Variants in NTRK3 observed in about 807,000 individuals in gnomAD.
NTRK3 encodes NT-3 growth factor receptor.
Under a neutral mutation model 91.7 loss-of-function variants are expected in NTRK3, and 24 were observed. The ratio of observed to expected loss-of-function variants is 0.26; its 90% CI spans 0.19 to 0.37. NTRK3 has a LOEUF of 0.37. NTRK3 is among the 10% of genes least tolerant of loss of function. NTRK3 has a pLI of 1.00. For synonymous variants in NTRK3, 483 were observed against 404.0 expected (o/e 1.20, Z -2.34); for missense variants, 880 against 1,068.9 (o/e 0.82, Z 2.46).
At chr15:87,954,520 C>G (rs1038403294) in intron 14 of NTRK3, among the ~76,000 whole-genome samples, 1 of 152,010 alleles carries the variant, frequency 6.6e-6, no homozygotes, top group African/African-American at 2.4e-5. Context: ...ATGACTTAGG[C>G]AGAATGAGTT....
intron 14 of NTRK3, among the ~76,000 whole-genome samples, chr15:87,998,745 A>C (rs977603165): frequency 6.6e-6 from 1 of 152,206 alleles, no homozygotes; most frequent in Non-Finnish European, 1.5e-5. Flanking sequence ...GACTCCATTG[A>C]AACAATTGCC....
At chr15:88,121,097 T>C (rs1299472285) in intron 13 of NTRK3, among the ~76,000 whole-genome samples, 1 of 82,650 alleles carries the variant, frequency 1.2e-5, no homozygotes, top group African/African-American at 5.5e-5. Flanking sequence ...ATGTATGTAT[T>C]TTTTTTACAG....
chr15:88,037,922 A>C (rs1406959642), intron 13 of NTRK3, among the ~76,000 whole-genome samples: 1 of 152,224 alleles, frequency 6.6e-6, no homozygotes, highest in Non-Finnish European at 1.5e-5. Flanking sequence ...CCAAGGACAG[A>C]TGCCTAGCAA....
intron 5 of NTRK3, among the ~76,000 whole-genome samples, chr15:88,171,691 CAGA>C (rs2045533123): frequency 6.6e-6 from 1 of 152,198 alleles, no homozygotes; most frequent in Non-Finnish European, 1.5e-5. Flanking sequence ...AGGAAGGACA[CAGA>C]AGCTCAGCTC....
intron 14 of NTRK3, among the ~76,000 whole-genome samples, chr15:88,004,554 T>A (rs1387416815): frequency 6.6e-6 from 1 of 152,134 alleles, no homozygotes; most frequent in Non-Finnish European, 1.5e-5. Context: ...CCAAGCATCA[T>A]CAAAACAGCT....
At chr15:88,080,887 G>A (rs1453060230) in intron 13 of NTRK3, among the ~76,000 whole-genome samples, 1 of 152,238 alleles carries the variant, frequency 6.6e-6, no homozygotes, top group African/African-American at 2.4e-5. Context: ...AGGTGCAACT[G>A]GCAGTGTTGG....
At chr15:87,964,285 A>G (rs2072587828) in intron 14 of NTRK3, among the ~76,000 whole-genome samples, 1 of 152,056 alleles carries the variant, frequency 6.6e-6, no homozygotes, top group Non-Finnish European at 1.5e-5. Context: ...GAGTGCTCTC[A>G]TTTTATAGAC....
rs1431093281 is a variant in NTRK3 at position 87,954,758 on chromosome 15, C to T, written c.1586-14005G>A. On this transcript the variant is annotated intron_variant, in intron 14 of 18. Coordinates refer to ENST00000394480, the Ensembl canonical transcript of NTRK3. ...TGTGTGAAAAACCATGTCATCTTTT[C>T]ACCTGCTGTGCTGTCTACACTGTTT... is the stretch of plus-strand genomic sequence containing the variant. Among the ~76,000 whole-genome samples, 4 of 152,322 alleles carry T rather than the reference C, an allele frequency of 2.6e-5. No homozygotes were observed. In the East Asian group the frequency reaches 7.7e-4, roughly 29 times the overall value.
intron 13 of NTRK3, among the ~76,000 whole-genome samples, chr15:88,078,356 T>G (rs1177108829): frequency 6.6e-6 from 1 of 152,164 alleles, no homozygotes; most frequent in Non-Finnish European, 1.5e-5. Context: ...AAAGTGGGGT[T>G]AAAGAAAAGT....
intron 14 of NTRK3, among the ~76,000 whole-genome samples, chr15:88,006,547 C>A (rs2076502840): frequency 6.6e-6 from 1 of 152,190 alleles, no homozygotes; most frequent in Non-Finnish European, 1.5e-5. Flanking sequence ...GGGGCAGCAG[C>A]CCTCCACAGG....
At chr15:87,981,094 G>A (rs193207654) in intron 14 of NTRK3, 96 of 1,394,392 alleles carry the variant, frequency 6.9e-5, no homozygotes, top group Middle Eastern at 2.4e-4. Context: ...ACCAAATCCC[G>A]TGCTGGGCAC....
intron 3 of NTRK3, among the ~76,000 whole-genome samples, chr15:88,202,916 G>A (rs1567638838): frequency 1.3e-5 from 2 of 152,218 alleles, no homozygotes; most frequent in Non-Finnish European, 2.9e-5. Flanking sequence ...GTTGGGCAGG[G>A]GCTGGATGAG....
intron 6 of NTRK3, among the ~76,000 whole-genome samples, chr15:88,138,132 G>T (rs1221374519): frequency 1.3e-5 from 2 of 152,166 alleles, no homozygotes; most frequent in African/African-American, 4.8e-5. Flanking sequence ...GGCCGGGCGT[G>T]GTGGCTCACA....
intron 14 of NTRK3, among the ~76,000 whole-genome samples, chr15:87,988,992 A>C (rs1430739409): frequency 6.6e-6 from 1 of 151,960 alleles, no homozygotes; most frequent in East Asian, 1.9e-4. Flanking sequence ...ATCTTGGCTC[A>C]CTGCAACTTT....
At chr15:88,133,189 C>T (rs1452953071) in intron 10 of NTRK3, among the ~76,000 whole-genome samples, 2 of 152,138 alleles carry the variant, frequency 1.3e-5, no homozygotes, top group African/African-American at 4.8e-5. Flanking sequence ...GCACTGATAA[C>T]TGACTATGGT....
At chr15:87,937,117 C>CT (rs1567127961) in intron 15 of NTRK3, among the ~76,000 whole-genome samples, 1 of 152,174 alleles carries the variant, frequency 6.6e-6, no homozygotes, top group Non-Finnish European at 1.5e-5. Flanking sequence ...CCCAGATTAG[C>CT]TGGCACTCCT....
intron 13 of NTRK3, among the ~76,000 whole-genome samples, chr15:88,068,618 C>T (rs757829200): frequency 6.6e-6 from 1 of 152,288 alleles, no homozygotes; most frequent in South Asian, 2.1e-4. Flanking sequence ...GTGAGGTCAA[C>T]AAAAGCTGAA....
At chr15:87,921,270 C>G (rs116731778) in intron 17 of NTRK3, among the ~76,000 whole-genome samples, 1,537 of 152,266 alleles carry the variant, frequency 0.01, 29 homozygotes, top group African/African-American at 0.035. Flanking sequence ...ACACAATAAA[C>G]AGAGTCTGGT....
chr15:88,159,081 A>C (rs1408810970), intron 5 of NTRK3, among the ~76,000 whole-genome samples: 2 of 152,226 alleles, frequency 1.3e-5, no homozygotes, highest in African/African-American at 4.8e-5. Context: ...CAGGGTCCCC[A>C]AAGGCTGGTG....
Sources: gnomAD v4.1 joint callset for allele counts (sites outside exome capture counted in the v4.1 genomes callset) on GRCh38, gnomAD v4.1.1 for gene constraint, MANE v1.5 for transcripts, NCBI Gene and HGNC (gene_info 2026-07-23, HGNC 2026-07-21) for gene names.